Variants in NAV3 observed in about 807,000 individuals in gnomAD.
NAV3 encodes neuron navigator 3.
A neutral mutation model predicts 244.7 loss-of-function variants in NAV3; 87 were observed. The ratio of observed to expected loss-of-function variants is 0.36; its 90% CI spans 0.30 to 0.42. NAV3 has a LOEUF of 0.42. Ranked by LOEUF, NAV3 falls within the 20% of genes least tolerant of loss-of-function variation. The pLI is 1.00. For synonymous variants in NAV3, 1,126 were observed against 1,042.2 expected, an observed-to-expected ratio of 1.08 and a Z score of -1.55; for missense variants, 2,663 against 2,893.3, an observed-to-expected ratio of 0.92 and a Z score of 1.83.
At chr12:77,945,968 A>G (rs1296935822) in intron 3 of NAV3, among the ~76,000 whole-genome samples, 1 of 151,274 alleles carries the variant, frequency 6.6e-6, no homozygotes, top group Non-Finnish European at 1.5e-5. Flanking sequence ...CATGTTGGCC[A>G]GGCTGGTTTT....
At chr12:78,180,136 G>T (rs1208804174) in intron 29 of NAV3, among the ~76,000 whole-genome samples, 2 of 152,150 alleles carry the variant, frequency 1.3e-5, no homozygotes, top group African/African-American at 4.8e-5. Flanking sequence ...AAGTAAAAGT[G>T]ATTTAGAATG....
intron 12 of NAV3, among the ~76,000 whole-genome samples, chr12:78,075,416 G>GA (rs1025214616): frequency 4.0e-5 from 6 of 150,744 alleles, no homozygotes; most frequent in African/African-American, 1.5e-4. Context: ...ACCGACTTGA[G>GA]AAAAAAAAAG....
chr12:78,078,753 A>G (rs1340822725), intron 12 of NAV3, among the ~76,000 whole-genome samples: 1 of 152,152 alleles, frequency 6.6e-6, no homozygotes, highest in Non-Finnish European at 1.5e-5. Flanking sequence ...TCACAGCACA[A>G]TAATAGACAA....
At chr12:78,053,725 T>C (rs1408267921) in intron 11 of NAV3, among the ~76,000 whole-genome samples, 1 of 152,032 alleles carries the variant, frequency 6.6e-6, no homozygotes, top group African/African-American at 2.4e-5. Flanking sequence ...TAGAAGAACA[T>C]TTGTTGTGAT....
chr12:77,844,283 A>G (rs1225194291), intron 1 of NAV3, among the ~76,000 whole-genome samples: 2 of 152,186 alleles, frequency 1.3e-5, no homozygotes, highest in Non-Finnish European at 2.9e-5. Context: ...GCAGAAGGCC[A>G]AAAGAGAATG....
intron 12 of NAV3, among the ~76,000 whole-genome samples, chr12:78,068,332 C>A (rs184342768): frequency 2.3e-3 from 342 of 151,298 alleles, no homozygotes; most frequent in African/African-American, 7.5e-3. Flanking sequence ...TTTATCATGC[C>A]TGGATGAAAT....
chr12:77,847,164 C>T (rs1876780787), intron 1 of NAV3, among the ~76,000 whole-genome samples: 1 of 152,138 alleles, frequency 6.6e-6, no homozygotes, highest in South Asian at 2.1e-4. Flanking sequence ...CACACTTTAA[C>T]AATAGGCCAT....
rs771913964 is a variant in NAV3, at chr12:78,137,262, C to A, written c.4527C>A (p.Phe1509Leu). ...SNSIPAQDSS[F>L]DLYDDSQLCG... ...GCATCCCAGCCCAAGACTCTTCCTT[C>A]GATCTCTATGATGACTCCCAGCTTT... is the stretch of plus-strand genomic sequence containing the variant. The change falls in exon 19 of 40, where the codon TTC becomes TTA. Residue 1509 changes from phenylalanine (F) to leucine (L), a missense_variant. Physicochemically the swap from Phe to Leu is conservative, Grantham distance 22. Coordinates refer to ENST00000397909, the MANE Select transcript of NAV3 (RefSeq NM_001024383.2). 4.6e-5 allele frequency: 75 copies of A among 1,613,588 alleles called. No individual in the cohort carries two copies. The highest frequency in any genetic ancestry group is 8.5e-7 in the Non-Finnish European group (1 of 1,179,776).
chr12:78,207,418 T>C (rs923879182), intron 39 of NAV3, among the ~76,000 whole-genome samples: 9 of 152,202 alleles, frequency 5.9e-5, no homozygotes, highest in African/African-American at 2.2e-4. Context: ...AACTACAGTA[T>C]CATTTCTGAT....
chr12:77,677,311 C>A (rs1874248741), intron 2 of NAV3, among the ~76,000 whole-genome samples: 2 of 152,136 alleles, frequency 1.3e-5, no homozygotes, highest in African/African-American at 2.4e-5. Flanking sequence ...AAAACTTATT[C>A]TTTTAAAAAG....
chr12:77,880,825 G>A (rs1324863369), intron 1 of NAV3, among the ~76,000 whole-genome samples: 1 of 151,978 alleles, frequency 6.6e-6, no homozygotes, highest in East Asian at 1.9e-4. Context: ...GGTGTGTAGT[G>A]GGCTGTTCCA....
At chr12:77,998,231 AG>A (rs2136441749) in intron 6 of NAV3, 105 bp from the exon 7 acceptor site, 1 of 765,888 alleles carries the variant, frequency 1.3e-6, no homozygotes, top group Non-Finnish European at 1.9e-6. Flanking sequence ...TCTGCTAAAT[AG>A]ATTTTAGAAC....
intron 2 of NAV3, among the ~76,000 whole-genome samples, chr12:77,713,530 A>G (rs931694199): frequency 2.6e-5 from 4 of 152,202 alleles, no homozygotes; most frequent in African/African-American, 9.6e-5. Flanking sequence ...ATTCAGAAGT[A>G]GAAATGGTGT....
chr12:78,031,070 G>A (rs1162218513), intron 9 of NAV3, among the ~76,000 whole-genome samples: 2 of 152,166 alleles, frequency 1.3e-5, no homozygotes, highest in Non-Finnish European at 2.9e-5. Context: ...CCCAAGTGAA[G>A]TGGCCTTCAT....
intron 9 of NAV3, among the ~76,000 whole-genome samples, chr12:78,030,666 C>G (rs1278174560): frequency 6.6e-6 from 1 of 151,958 alleles, no homozygotes; most frequent in Non-Finnish European, 1.5e-5. Context: ...TTTGGGAAAA[C>G]AAATGTGACT....
chr12:77,615,353 T>C (rs1871105901), intron 2 of NAV3, among the ~76,000 whole-genome samples: 1 of 152,144 alleles, frequency 6.6e-6, no homozygotes, highest in Admixed American at 6.6e-5. Context: ...ATTACCAAGA[T>C]AGTGATCATG....
At chr12:77,977,475 G>A (rs908549579) in intron 5 of NAV3, among the ~76,000 whole-genome samples, 1 of 130,014 alleles carries the variant, frequency 7.7e-6, no homozygotes, top group Non-Finnish European at 1.8e-5. Flanking sequence ...TTTGGTATTC[G>A]ATTTTGTAAA....
intron 2 of NAV3, among the ~76,000 whole-genome samples, chr12:77,680,727 GC>G (rs151106285): frequency 0.037 from 5,642 of 152,098 alleles, 173 homozygotes; most frequent in Middle Eastern, 0.037. Flanking sequence ...CAAAGTAGGT[GC>G]ACAATATAAG....
chr12:78,008,702 T>G (rs186895212), intron 8 of NAV3, among the ~76,000 whole-genome samples: 300 of 152,284 alleles, frequency 2.0e-3, no homozygotes, highest in Admixed American at 5.6e-3. Flanking sequence ...TGAGGTTTTT[T>G]ATACACTCAG....
Sources: allele counts gnomAD v4.1 joint callset (sites outside exome capture counted in the v4.1 genomes callset), GRCh38; gene constraint gnomAD v4.1.1; transcripts MANE v1.5; gene names NCBI Gene and HGNC (gene_info 2026-07-23, HGNC 2026-07-21).